The following ENOX2 variants were observed in gnomAD, a reference collection of about 807,000 sequenced individuals.
ENOX2 encodes the protein ecto-NOX disulfide-thiol exchanger 2, also known as APK1 antigen.
In ENOX2, 36 loss-of-function variants were observed where a neutral mutation model predicts 45.0. The ratio of observed to expected loss-of-function variants is 0.80; its 90% confidence interval spans 0.61 to 1.06. ENOX2 has a LOEUF of 1.06. Among genes scored for constraint, ENOX2 ranks in the 50% least tolerant of loss-of-function variants. The pLI, the probability that ENOX2 is intolerant of heterozygous loss-of-function variation, is 0.00. For synonymous variants in ENOX2, 174 were observed against 152.3 expected, an observed-to-expected ratio of 1.14 and a Z score of -1.05; for missense variants, 423 against 462.5, an observed-to-expected ratio of 0.91 and a Z score of 0.78.
intron 3 of ENOX2, among the ~76,000 whole-genome samples, chrX:130,760,855 G>GTT (rs374625292): frequency 5.7e-5 from 5 of 87,717 alleles, no homozygotes; most frequent in African/African-American, 2.1e-4. Flanking sequence ...TTTCTGAGAG[G>GTT]TTTTTTTTTT....
At chrX:130,805,473 C>T (rs994896815) in intron 2 of ENOX2, among the ~76,000 whole-genome samples, 8 of 111,725 alleles carry the variant, frequency 7.2e-5, no homozygotes, top group African/African-American at 2.6e-4. Context: ...GCCCATTCTA[C>T]GCTCTGCCTG....
At chrX:130,722,174 AG>A (rs1302883188) in intron 3 of ENOX2, among the ~76,000 whole-genome samples, 1 of 112,077 alleles carries the variant, frequency 8.9e-6, no homozygotes, top group Non-Finnish European at 1.9e-5. Context: ...TAAATTAGGA[AG>A]ACAGATGAAG....
chrX:130,745,394 C>A (rs1332598723), intron 3 of ENOX2, among the ~76,000 whole-genome samples: 1 of 111,291 alleles, frequency 9.0e-6, no homozygotes, highest in Non-Finnish European at 1.9e-5. Flanking sequence ...ACTACAATGT[C>A]CAATATCCGG....
intron 2 of ENOX2, among the ~76,000 whole-genome samples, chrX:130,850,303 T>C (rs1258732289): frequency 9.0e-6 from 1 of 111,706 alleles, no homozygotes. Context: ...GTATCTTTTT[T>C]ATGAGTGTAT....
intron 3 of ENOX2, among the ~76,000 whole-genome samples, chrX:130,761,057 T>G (rs2039479324): frequency 9.0e-6 from 1 of 110,775 alleles, no homozygotes; most frequent in African/African-American, 3.3e-5. Context: ...AATATATTCC[T>G]GAATTTGGCT....
At chrX:130,822,870 G>A (rs1258571466) in intron 2 of ENOX2, among the ~76,000 whole-genome samples, 1 of 112,278 alleles carries the variant, frequency 8.9e-6, no homozygotes, top group Non-Finnish European at 1.9e-5. Flanking sequence ...GCTAATATAA[G>A]TGTTCTGAGC....
In ENOX2 at chrX:130,836,371, G is replaced by C. The variant is rs186481143; in HGVS notation, c.-182-52681C>G. On this transcript the variant is annotated intron_variant, in intron 2 of 14. Transcript: ENST00000394363. Reference sequence around the variant, plus strand: ...CTGGGAAAAATGTCACGTAACCTTAGCAAGACACATGGAATCACAATCAAT... The same window carrying C: ...CTGGGAAAAATGTCACGTAACCTTACCAAGACACATGGAATCACAATCAAT... Among the ~76,000 whole-genome samples, 15 of 110,764 alleles carry C rather than the reference G, an allele frequency of 1.4e-4. No homozygotes were observed. The East Asian group carries it at 4.0e-3, about 29-fold the overall frequency.
Position 130,709,339 on chromosome X carries a change from AAG to A in ENOX2, c.-38-6087_-38-6086del, listed in dbSNP as rs745400751. The A allele has an allele frequency of 2.8e-6, 3 of 1,088,826 alleles. No homozygotes were observed. The African/African-American group carries it at 5.4e-5, about 20-fold the overall frequency. 89.7% of individuals were successfully genotyped at this position (1,088,826 alleles called of 1,213,427 possible). A position where few individuals can be genotyped will look rare whatever the true frequency, so the allele number is the denominator to read the frequency against. On this transcript the variant is annotated intron_variant, in intron 3 of 14. Transcript: ENST00000394363. ...TTAGCTCTGTCATCATTTCTGCAGA[AAG>A]AAGATAGTAGTCTCAGCTGGGCGTG...
intron 3 of ENOX2, 82 bp downstream of exon 3, chrX:130,783,465 T>C (rs899838637): frequency 1.3e-5 from 4 of 311,088 alleles, no homozygotes; most frequent in African/African-American, 1.1e-4. Context: ...TCTAGCATAG[T>C]ATGTGACCTG....
chrX:130,627,622 G>C (rs910456995), intron 14 of ENOX2, among the ~76,000 whole-genome samples: 1 of 111,730 alleles, frequency 9.0e-6, no homozygotes, highest in Non-Finnish European at 1.9e-5. Context: ...ATATGGGTTG[G>C]TTTGCAGCTT....
At chrX:130,886,599 T>C (rs1342317097) in intron 2 of ENOX2, among the ~76,000 whole-genome samples, 1 of 112,198 alleles carries the variant, frequency 8.9e-6, no homozygotes, top group Non-Finnish European at 1.9e-5. Context: ...TATTTTACAA[T>C]ACAGATGGTT....
At chrX:130,873,208 AC>A (rs1305375493) in intron 2 of ENOX2, among the ~76,000 whole-genome samples, 3 of 112,018 alleles carry the variant, frequency 2.7e-5, no homozygotes, top group East Asian at 2.8e-4. Flanking sequence ...AGGAAAAAAA[AC>A]AACCCCATCA....
chrX:130,680,247 TACA>T (rs1424762182), intron 5 of ENOX2, among the ~76,000 whole-genome samples: 1 of 112,040 alleles, frequency 8.9e-6, no homozygotes, highest in African/African-American at 3.2e-5. Flanking sequence ...GGTACCTACT[TACA>T]ACAATGCCTA....
chrX:130,730,873 G>C (rs2038723394), intron 3 of ENOX2, among the ~76,000 whole-genome samples: 1 of 111,164 alleles, frequency 9.0e-6, no homozygotes, highest in African/African-American at 3.3e-5. Flanking sequence ...ATGATAAGGA[G>C]TTGTGGAGAC....
rs774259681 is a variant in ENOX2 at position 130,634,979 on chromosome X, T to C, written c.1419+5A>G. 9.4e-7 allele frequency: 1 copy of C among 1,065,545 alleles called. No homozygotes were observed. Among genetic ancestry groups the C allele is most frequent in the Admixed American group, 2.3e-5 (1 of 44,392 alleles). The allele number at this position is 1,065,545 out of a possible 1,213,427, so 87.8% of individuals were successfully genotyped here. ...AGGAAAAAGGTTCACTTAGGGTGCA[T>C]GTACCTTTTCTTTAAGATTTTCCAA... On this transcript the variant is annotated splice_donor_5th_base_variant and intron_variant, in intron 12 of 14. Coordinates refer to ENST00000394363, the MANE Select transcript of ENOX2 (RefSeq NM_006375.4).
Position 130,903,161 on chromosome X carries a change from C to G in ENOX2, c.-343G>C, listed in dbSNP as rs1464852035. On this transcript the variant is annotated 5_prime_UTR_variant, in exon 1 of 15. Transcript: ENST00000394363. ...TCGCGGCGCCCCACGCCGCGCCACT[C>G]TCTTCCGAAATGCCCGCCTCGCGCT... 8.8e-6 allele frequency: 1 copy of G among 113,109 alleles called. No homozygotes were observed. Among genetic ancestry groups the G allele is most frequent in the Non-Finnish European group, 1.9e-5 (1 of 53,372 alleles). 9.3% of individuals were successfully genotyped at this position (113,109 alleles called of 1,213,427 possible).
At chrX:130,682,879 C>T (rs989759621) in intron 5 of ENOX2, among the ~76,000 whole-genome samples, 8 of 111,351 alleles carry the variant, frequency 7.2e-5, no homozygotes, top group African/African-American at 2.6e-4. Context: ...AGCACTTTGT[C>T]GTCTGGGCCT....
intron 3 of ENOX2, among the ~76,000 whole-genome samples, chrX:130,725,608 T>A (rs1200850764): frequency 9.1e-6 from 1 of 110,111 alleles, no homozygotes; most frequent in Non-Finnish European, 1.9e-5. Context: ...AATGGGGCTG[T>A]GTTACAATCA....
intron 2 of ENOX2, among the ~76,000 whole-genome samples, chrX:130,843,105 T>C (rs2078042157): frequency 9.0e-6 from 1 of 111,555 alleles, no homozygotes; most frequent in Admixed American, 9.5e-5. Context: ...TCTATATTTC[T>C]AATCCAGATT....
Sources: allele counts gnomAD v4.1 joint callset (sites outside exome capture counted in the v4.1 genomes callset), GRCh38; gene constraint gnomAD v4.1.1; transcripts MANE v1.5; gene names NCBI Gene and HGNC (gene_info 2026-07-23, HGNC 2026-07-21).